Variants in IL1RAPL1 observed in about 807,000 individuals in gnomAD.
IL1RAPL1 encodes the protein interleukin-1 receptor accessory protein-like 1.
In IL1RAPL1, 3 loss-of-function variants were observed where a neutral mutation model predicts 48.4. That is an observed-to-expected ratio of 0.06 (90% CI 0.03 to 0.16). IL1RAPL1 has a LOEUF of 0.16. IL1RAPL1 is among the 10% of genes least tolerant of loss of function. IL1RAPL1 has a pLI of 1.00. For synonymous variants in IL1RAPL1, 185 were observed against 187.7 expected, an observed-to-expected ratio of 0.99 and a Z score of 0.12; for missense variants, 349 against 530.6, an observed-to-expected ratio of 0.66 and a Z score of 3.36.
intron 6 of IL1RAPL1, among the ~76,000 whole-genome samples, chrX:29,884,351 C>G (rs755037873): frequency 9.0e-6 from 1 of 111,116 alleles, no homozygotes; most frequent in African/African-American, 3.3e-5. Context: ...ATCTTACTTG[C>G]CCCGAGAGCT....
intron 2 of IL1RAPL1, among the ~76,000 whole-genome samples, chrX:28,963,443 A>G (rs1379041342): frequency 9.0e-6 from 1 of 111,262 alleles, no homozygotes; most frequent in Non-Finnish European, 1.9e-5. Flanking sequence ...TACTCTTACA[A>G]TATATCTGTA....
chrX:29,137,613 A>C (rs16988462), intron 2 of IL1RAPL1, among the ~76,000 whole-genome samples: 8,311 of 112,043 alleles, frequency 0.074, 363 homozygotes, highest in African/African-American at 0.17. Flanking sequence ...CAGATACCTG[A>C]AAATAGGAAT....
At chrX:29,053,293 G>T in intron 2 of IL1RAPL1, among the ~76,000 whole-genome samples, 1 of 111,815 alleles carries the variant, frequency 8.9e-6, no homozygotes, top group Non-Finnish European at 1.9e-5. Flanking sequence ...GGGCATTTAG[G>T]TTGATTCCAC....
chrX:29,877,778 A>C (rs2147212949), intron 6 of IL1RAPL1, among the ~76,000 whole-genome samples: 1 of 111,877 alleles, frequency 8.9e-6, no homozygotes, highest in East Asian at 2.8e-4. Flanking sequence ...AAAATTATTT[A>C]AACAGGAATC....
chrX:28,727,871 G>A (rs1935698884), intron 1 of IL1RAPL1, among the ~76,000 whole-genome samples: 1 of 108,588 alleles, frequency 9.2e-6, no homozygotes, highest in South Asian at 4.0e-4. Context: ...ATTGAACAAT[G>A]AGATCACATG....
At chrX:29,509,815 A>G (rs1194487578) in intron 5 of IL1RAPL1, among the ~76,000 whole-genome samples, 1 of 112,475 alleles carries the variant, frequency 8.9e-6, no homozygotes, top group South Asian at 3.6e-4. Flanking sequence ...TAATTCCGCT[A>G]GGTTAATTTT....
intron 2 of IL1RAPL1, among the ~76,000 whole-genome samples, chrX:29,112,470 CTTT>C (rs61113350): frequency 1.1e-5 from 1 of 92,212 alleles, no homozygotes. Context: ...GATTTGATTT[CTTT>C]TTTTTTTTTT....
At chrX:29,150,158 G>A (rs1046444188) in intron 2 of IL1RAPL1, among the ~76,000 whole-genome samples, 2 of 112,171 alleles carry the variant, frequency 1.8e-5, no homozygotes, top group African/African-American at 3.2e-5. Context: ...AATAAATATC[G>A]TTGCATTCCT....
At chrX:29,261,629 T>A (rs373237269) in intron 2 of IL1RAPL1, among the ~76,000 whole-genome samples, 1 of 110,997 alleles carries the variant, frequency 9.0e-6, no homozygotes, top group African/African-American at 3.3e-5. Context: ...TCCACCTTTT[T>A]AAAAAAATAT....
chrX:29,342,457 T>G (rs1341349602), intron 3 of IL1RAPL1, among the ~76,000 whole-genome samples: 3 of 111,766 alleles, frequency 2.7e-5, no homozygotes, highest in Non-Finnish European at 5.6e-5. Context: ...TTTAGTTCCA[T>G]TTAGCAGTAA....
At chrX:28,836,017 C>T (rs2147289076) in intron 2 of IL1RAPL1, among the ~76,000 whole-genome samples, 1 of 110,366 alleles carries the variant, frequency 9.1e-6, no homozygotes, top group Admixed American at 9.7e-5. Flanking sequence ...TATAAACAAA[C>T]AATAAAGTTG....
chrX:29,636,652 C>A (rs1924972805), intron 5 of IL1RAPL1, among the ~76,000 whole-genome samples: 1 of 111,928 alleles, frequency 8.9e-6, no homozygotes. Flanking sequence ...TCTGTATGAT[C>A]CACTTAGTGT....
At chrX:29,083,909 G>T (rs1290626171) in intron 2 of IL1RAPL1, among the ~76,000 whole-genome samples, 2 of 111,485 alleles carry the variant, frequency 1.8e-5, no homozygotes, top group African/African-American at 6.5e-5. Flanking sequence ...ATTCCAGGTA[G>T]TGTTTGTGTC....
At chrX:28,588,694 GGAAAA>G (rs1309619711) in intron 1 of IL1RAPL1, among the ~76,000 whole-genome samples, 11 of 111,534 alleles carry the variant, frequency 9.9e-5, no homozygotes, top group Non-Finnish European at 1.7e-4. Context: ...AGTGAAAAAA[GGAAAA>G]GAAAAGAAAA....
intron 2 of IL1RAPL1, among the ~76,000 whole-genome samples, chrX:28,991,414 G>T (rs1925600763): frequency 9.0e-6 from 1 of 111,191 alleles, no homozygotes; most frequent in Admixed American, 9.6e-5. Context: ...AGTGAGAGGG[G>T]CTCTTTGTTC....
chrX:29,675,991 T>G (rs1195788482), intron 6 of IL1RAPL1, among the ~76,000 whole-genome samples: 1 of 112,337 alleles, frequency 8.9e-6, no homozygotes, highest in Admixed American at 9.4e-5. Flanking sequence ...ATCATCATCC[T>G]CATGATCATC....
At chrX:29,180,003 CAGA>C (rs1930110705) in intron 2 of IL1RAPL1, among the ~76,000 whole-genome samples, 1 of 104,907 alleles carries the variant, frequency 9.5e-6, no homozygotes, top group African/African-American at 3.4e-5. Flanking sequence ...ACTACTGGCC[CAGA>C]AGAAGGTTTC....
At chrX:29,245,579 G>C (rs1931496696) in intron 2 of IL1RAPL1, among the ~76,000 whole-genome samples, 1 of 111,909 alleles carries the variant, frequency 8.9e-6, no homozygotes, top group Non-Finnish European at 1.9e-5. Context: ...GTCTTCTTTT[G>C]AGAAGTATCT....
intron 2 of IL1RAPL1, among the ~76,000 whole-genome samples, chrX:29,140,546 A>G (rs1220281026): frequency 1.8e-5 from 2 of 112,246 alleles, no homozygotes; most frequent in Admixed American, 1.9e-4. Context: ...TGTGAATGAA[A>G]CTGTCAACCA....
Sources: gnomAD v4.1 joint callset for allele counts (sites outside exome capture counted in the v4.1 genomes callset) on GRCh38, gnomAD v4.1.1 for gene constraint, MANE v1.5 for transcripts, NCBI Gene and HGNC (gene_info 2026-07-23, HGNC 2026-07-21) for gene names.